MKLN1: variants seen among roughly 807,000 people sequenced by gnomAD.
MKLN1 encodes the protein muskelin.
Under a neutral mutation model 99.0 loss-of-function variants are expected in MKLN1, and 18 were observed. The ratio of observed to expected loss-of-function variants is 0.18; its 90% CI spans 0.13 to 0.27. The LOEUF (loss-of-function observed/expected upper bound fraction) is 0.27. MKLN1 is among the 10% of genes least tolerant of loss of function. The probability of loss-of-function intolerance (pLI) is 1.00; values close to 1 mark genes in which losing one functional copy is unlikely to be tolerated. For synonymous variants in MKLN1, 288 were observed against 293.2 expected (o/e 0.98, Z 0.18); for missense variants, 621 against 875.9 (o/e 0.71, Z 3.67).
chr7:131,258,943 ACTGT>A (rs1277236003), intron 3 of MKLN1, among the ~76,000 whole-genome samples: 1 of 152,038 alleles, frequency 6.6e-6, no homozygotes, highest in African/African-American at 2.4e-5. Context: ...CAGAAATGCA[ACTGT>A]CTGGCCTTTC....
intron 1 of MKLN1, among the ~76,000 whole-genome samples, chr7:131,110,364 G>A (rs1001341122): frequency 5.9e-5 from 9 of 152,234 alleles, no homozygotes; most frequent in African/African-American, 2.2e-4. Flanking sequence ...CCAGCCAAAC[G>A]CAGCAATAAT....
intron 6 of MKLN1, among the ~76,000 whole-genome samples, chr7:131,406,459 A>G (rs1013742363): frequency 4.6e-5 from 7 of 151,860 alleles, no homozygotes; most frequent in African/African-American, 9.7e-5. Flanking sequence ...TCATTATTCT[A>G]TTGTTGTCAA....
At position 131,206,580 on chromosome 7, in the gene MKLN1, G is replaced by A. The variant is rs151173192; in HGVS notation, c.-179+3606G>A. ...TATTATTATTATTATTTTAGAGATAGGCTCTCACTCTGTTGCCCGGCCTGG... is the reference window on the plus strand; with the variant it reads ...TATTATTATTATTATTTTAGAGATAAGCTCTCACTCTGTTGCCCGGCCTGG... On this transcript the variant is annotated intron_variant, in intron 3 of 7. Coordinates refer to the MKLN1 transcript ENST00000416992. Among the ~76,000 whole-genome samples the A allele has an allele frequency of 5.0e-3, 544 of 108,882 alleles. 2 individuals carry two copies. Among genetic ancestry groups the A allele is most frequent in the Non-Finnish European group, 7.8e-3 (405 of 51,944 alleles). The allele number at this position is 108,882 out of a possible 152,430, so 71.4% of individuals were successfully genotyped here.
At chr7:131,278,831 C>G (rs1798010636) in intron 3 of MKLN1, among the ~76,000 whole-genome samples, 2 of 152,140 alleles carry the variant, frequency 1.3e-5, no homozygotes, top group South Asian at 4.1e-4. Context: ...AACTCCTGGC[C>G]TCAAGAGATC....
intron 2 of MKLN1, among the ~76,000 whole-genome samples, chr7:131,384,793 G>A (rs1007032639): frequency 1.3e-5 from 2 of 152,196 alleles, no homozygotes; most frequent in African/African-American, 4.8e-5. Context: ...TCTCAGCAAT[G>A]TGCCAAATAA....
chr7:131,466,331 TA>T lies in MKLN1; in HGVS notation c.1845del (p.Asp616MetfsTer6). 1 of 1,608,624 alleles carries T rather than the reference TA, an allele frequency of 6.2e-7. No individual in the cohort carries two copies. Among genetic ancestry groups the T allele is most frequent in the Non-Finnish European group, 8.5e-7 (1 of 1,176,254 alleles). On this transcript the variant is annotated frameshift_variant, in exon 15 of 18. Transcript: ENST00000352689. LOFTEE classifies it high-confidence loss of function. ...PGKSCSPKMR[L>X]DDFWSLKLCR... Reference sequence around the variant, plus strand: ...AAATCTTGCTCTCCAAAGATGAGATTAGATGACTTCTGGTCACTGAAGTTGT... The same window carrying T: ...AAATCTTGCTCTCCAAAGATGAGATTGATGACTTCTGGTCACTGAAGTTGT...
intron 8 of MKLN1, among the ~76,000 whole-genome samples, chr7:131,427,675 T>G (rs918520657): frequency 2.6e-5 from 4 of 152,068 alleles, no homozygotes; most frequent in Non-Finnish European, 5.9e-5. Flanking sequence ...TGCCTCAGCC[T>G]CCCGAATAGT....
intron 8 of MKLN1, among the ~76,000 whole-genome samples, chr7:131,428,066 G>T (rs1196705559): frequency 6.6e-6 from 1 of 151,150 alleles, no homozygotes; most frequent in East Asian, 1.9e-4. Flanking sequence ...AGCTACTCGA[G>T]AGGCTGGGGT....
At position 131,276,537 on chromosome 7, in the gene MKLN1, G is replaced by C. The variant is rs533528354; in HGVS notation, c.-179+73563G>C. On this transcript the variant is annotated intron_variant, in intron 3 of 7. Transcript: ENST00000416992. ...TGAAAGGTGGGTGAAAGTGATGTGTGTGTTGATTTGGGGCACAGTGTGGTT... is the reference window on the plus strand; with the variant it reads ...TGAAAGGTGGGTGAAAGTGATGTGTCTGTTGATTTGGGGCACAGTGTGGTT... Among the ~76,000 whole-genome samples the C allele has an allele frequency of 2.0e-4, 30 of 152,306 alleles. 1 individual carries two copies. The highest frequency in any genetic ancestry group is 3.4e-3 in the Middle Eastern group (1 of 294).
At position 131,487,762 on chromosome 7, in the gene MKLN1, G is replaced by A; in HGVS notation, c.*34G>A. ...TCACTGGACACAGAAATGGAAAACA[G>A]GAGTCGATTTTCCGTCTTTTGGATT... On this transcript the variant is annotated 3_prime_UTR_variant, in exon 18 of 18. Coordinates refer to ENST00000352689, the MANE Select transcript of MKLN1 (RefSeq NM_013255.5). The surrounding 1 kb of genome is among the most constrained non-coding windows in gnomAD (Gnocchi z 4.7). 1 of 1,603,276 alleles carries A rather than the reference G, an allele frequency of 6.2e-7. No individual in the cohort carries two copies. Among genetic ancestry groups the A allele is most frequent in the Non-Finnish European group, 8.5e-7 (1 of 1,175,832 alleles).
intron 2 of MKLN1, among the ~76,000 whole-genome samples, chr7:131,196,687 A>G (rs1351324080): frequency 6.6e-6 from 1 of 152,170 alleles, no homozygotes; most frequent in Non-Finnish European, 1.5e-5. Flanking sequence ...GGCTGCTTGT[A>G]CAGTGTAGTA....
chr7:131,127,648 G>A (rs1271096547), intron 1 of MKLN1, among the ~76,000 whole-genome samples: 1 of 152,198 alleles, frequency 6.6e-6, no homozygotes, highest in Non-Finnish European at 1.5e-5. Flanking sequence ...CAGTCAGATG[G>A]GAATGGCTTG....
chr7:131,362,289 A>G (rs901064248), intron 1 of MKLN1, among the ~76,000 whole-genome samples: 1 of 152,042 alleles, frequency 6.6e-6, no homozygotes. Context: ...ATATAGCTCT[A>G]TTATAATCTC....
At chr7:131,347,155 G>T (rs908031971) in intron 1 of MKLN1, among the ~76,000 whole-genome samples, 3 of 152,054 alleles carry the variant, frequency 2.0e-5, no homozygotes, top group Non-Finnish European at 4.4e-5. Flanking sequence ...ATAATAATAG[G>T]CCTAGAAAGA....
intron 3 of MKLN1, among the ~76,000 whole-genome samples, chr7:131,275,943 G>A (rs4728214): frequency 0.11 from 17,135 of 152,134 alleles, 997 homozygotes; most frequent in African/African-American, 0.15. Context: ...TAGGGAGGTT[G>A]GGTCAGAAAG....
chr7:131,408,578 C>T (rs1187554871), intron 6 of MKLN1, among the ~76,000 whole-genome samples: 3 of 151,878 alleles, frequency 2.0e-5, no homozygotes, highest in Non-Finnish European at 4.4e-5. Context: ...AATTTTTTCC[C>T]CTTTTGGTGA....
chr7:131,299,120 T>C (rs1478677193), intron 3 of MKLN1, among the ~76,000 whole-genome samples: 5 of 152,216 alleles, frequency 3.3e-5, no homozygotes, highest in Non-Finnish European at 5.9e-5. Context: ...GGGATCATTA[T>C]TGTAGGGTGG....
intron 1 of MKLN1, among the ~76,000 whole-genome samples, chr7:131,353,758 A>G (rs1428862993): frequency 6.9e-6 from 1 of 144,202 alleles, no homozygotes; most frequent in African/African-American, 2.5e-5. Context: ...TATATTTTAC[A>G]TTTTCATTCA....
intron 3 of MKLN1, among the ~76,000 whole-genome samples, chr7:131,289,483 C>G (rs1232939475): frequency 1.3e-5 from 2 of 152,088 alleles, no homozygotes; most frequent in African/African-American, 4.8e-5. Flanking sequence ...AAAACAACCC[C>G]AACCGCAAAT....
Sources: gnomAD v4.1 joint callset for allele counts (sites outside exome capture counted in the v4.1 genomes callset) on GRCh38, gnomAD v4.1.1 for gene constraint, Gnocchi (gnomAD v3.1) non-coding constraint, MANE v1.5 for transcripts, NCBI Gene and HGNC (gene_info 2026-07-23, HGNC 2026-07-21) for gene names.